The following EYS variants were observed in gnomAD, a reference collection of about 807,000 sequenced individuals.
EYS encodes EGF-like photoreceptor maintenance factor.
A neutral mutation model predicts 282.1 loss-of-function variants in EYS; 250 were observed. The observed-to-expected ratio is 0.89, with a 90% CI of 0.80 to 0.98. EYS has a LOEUF of 0.98. Ranked by LOEUF, EYS falls within the 50% of genes least tolerant of loss-of-function variation. The probability of loss-of-function intolerance (pLI) is 0.00; values close to 1 mark genes in which losing one functional copy is unlikely to be tolerated. For synonymous variants in EYS, 1,355 were observed against 1,282.9 expected (o/e 1.06, Z -1.20); for missense variants, 4,016 against 3,709.0 (o/e 1.08, Z -2.15).
intron 31 of EYS, among the ~76,000 whole-genome samples, chr6:64,106,188 A>C (rs1203107641): frequency 6.6e-6 from 1 of 151,438 alleles, no homozygotes; most frequent in African/African-American, 2.4e-5. Flanking sequence ...ATGTGATTTC[A>C]TTTTCTTTCA....
At chr6:64,801,344 A>G (rs1247265426) in intron 22 of EYS, among the ~76,000 whole-genome samples, 1 of 152,206 alleles carries the variant, frequency 6.6e-6, no homozygotes, top group Non-Finnish European at 1.5e-5. Flanking sequence ...ACAGATTAAA[A>G]ACCATATCAT....
intron 5 of EYS, among the ~76,000 whole-genome samples, chr6:65,414,061 C>T (rs746876983): frequency 6.6e-6 from 1 of 151,894 alleles, no homozygotes; most frequent in Non-Finnish European, 1.5e-5. Flanking sequence ...AATGCTGCTA[C>T]CCCACAATAG....
intron 31 of EYS, among the ~76,000 whole-genome samples, chr6:64,132,330 C>A (rs1774005365): frequency 6.6e-6 from 1 of 151,678 alleles, no homozygotes; most frequent in Admixed American, 6.6e-5. Flanking sequence ...GAAGGGACAG[C>A]AGTTGAATTA....
chr6:65,050,101 A>C (rs901709206), intron 13 of EYS, among the ~76,000 whole-genome samples: 1 of 151,696 alleles, frequency 6.6e-6, no homozygotes, highest in African/African-American at 2.4e-5. Context: ...TGTTTGGCCA[A>C]GATATTAAAG....
At chr6:65,628,187 A>C (rs958566495) in intron 2 of EYS, among the ~76,000 whole-genome samples, 2 of 152,178 alleles carry the variant, frequency 1.3e-5, no homozygotes, top group African/African-American at 4.8e-5. Context: ...TACACCAATC[A>C]GCACCCTGTG....
chr6:64,033,834 C>A lies in EYS; in HGVS notation c.6725+32504G>T, dbSNP rs1181843998. Reference sequence around the variant, plus strand: ...TCTGACACAAATGAGATTACTCTCTCTCTCTCTCTCTCTATATATATATAT... The same window carrying A: ...TCTGACACAAATGAGATTACTCTCTATCTCTCTCTCTCTATATATATATAT... On this transcript the variant is annotated intron_variant, in intron 33 of 42. Coordinates refer to ENST00000503581, the MANE Select transcript of EYS (RefSeq NM_001142800.2). Among the ~76,000 whole-genome samples the A allele has an allele frequency of 9.0e-3, 1,324 of 147,596 alleles. 18 individuals carry two copies. The highest frequency in any genetic ancestry group is 0.031 in the East Asian group (158 of 5,126).
intron 29 of EYS, among the ~76,000 whole-genome samples, chr6:64,344,640 A>C (rs896252770): frequency 6.6e-6 from 1 of 152,176 alleles, no homozygotes; most frequent in African/African-American, 2.4e-5. Context: ...AACTGGCACA[A>C]GACGGGGATG....
intron 24 of EYS, among the ~76,000 whole-genome samples, chr6:64,607,402 G>A (rs953034): frequency 0.63 from 96,139 of 151,942 alleles, 31,248 homozygotes; most frequent in African/African-American, 0.79. Context: ...ATTTCTCATA[G>A]ATCAGGAGGC....
intron 35 of EYS, among the ~76,000 whole-genome samples, chr6:63,917,232 C>T (rs1764447457): frequency 6.6e-6 from 1 of 152,216 alleles, no homozygotes; most frequent in African/African-American, 2.4e-5. Context: ...GGCCATCTTT[C>T]TGAAGGTCAG....
chr6:64,497,678 C>A (rs1285516336), intron 26 of EYS, among the ~76,000 whole-genome samples: 1 of 151,940 alleles, frequency 6.6e-6, no homozygotes, highest in East Asian at 1.9e-4. Flanking sequence ...CACGGGCAAA[C>A]CAGTTCGGAA....
Position 63,984,465 on chromosome 6 carries a change from C to A in EYS, c.6973G>T (p.Ala2325Ser). Residue 2325 changes from alanine (A) to serine (S), a missense_variant, in exon 35 of 43, where the codon GCA (alanine) becomes TCA (serine). Transcript: ENST00000503581. ...NNKEFFIIDE[A>S]RHGKNIENCH... The stretch of plus-strand genomic sequence containing the variant: ...TTCTCAATATTCTTTCCATGTCGTG[C>A]TTCATCGATGATGAAGAATTCTTTG... 1 of 1,549,750 alleles carries A rather than the reference C, an allele frequency of 6.5e-7. No homozygotes were observed. Among genetic ancestry groups the A allele is most frequent in the South Asian group, 1.2e-5 (1 of 84,042 alleles).
chr6:64,548,048 C>T (rs193060830), intron 26 of EYS, among the ~76,000 whole-genome samples: 52 of 152,314 alleles, frequency 3.4e-4, no homozygotes, highest in African/African-American at 1.3e-3. Flanking sequence ...CCTGTCCCTC[C>T]ACACCTCCCT....
At chr6:64,855,330 A>ATTTATGAT (rs2150044607) in intron 19 of EYS, among the ~76,000 whole-genome samples, 1 of 152,074 alleles carries the variant, frequency 6.6e-6, no homozygotes, top group South Asian at 2.1e-4. Flanking sequence ...CTCCATTCAT[A>ATTTATGAT]TTTATGATTG....
intron 7 of EYS, among the ~76,000 whole-genome samples, chr6:65,395,151 C>T (rs1258773961): frequency 6.6e-6 from 1 of 152,208 alleles, no homozygotes; most frequent in Non-Finnish European, 1.5e-5. Flanking sequence ...GCAACCTCTG[C>T]CTCCCAGATT....
intron 22 of EYS, among the ~76,000 whole-genome samples, chr6:64,786,802 CTG>C (rs1774036981): frequency 6.6e-6 from 1 of 152,206 alleles, no homozygotes; most frequent in South Asian, 2.1e-4. Flanking sequence ...GCATAGCAGA[CTG>C]TGCCTTGGTT....
intron 35 of EYS, among the ~76,000 whole-genome samples, chr6:63,886,996 C>T (rs1194564826): frequency 6.6e-6 from 1 of 152,134 alleles, no homozygotes; most frequent in African/African-American, 2.4e-5. Flanking sequence ...TGCTCTTATT[C>T]TCCTTTGAAT....
At chr6:63,764,521 A>G (rs1017602040) in intron 40 of EYS, among the ~76,000 whole-genome samples, 3 of 152,028 alleles carry the variant, frequency 2.0e-5, no homozygotes, top group African/African-American at 4.8e-5. Context: ...TAAAGTGACG[A>G]TTGCGCCATC....
intron 26 of EYS, among the ~76,000 whole-genome samples, chr6:64,493,323 A>G (rs1208831239): frequency 1.3e-5 from 2 of 151,594 alleles, no homozygotes; most frequent in African/African-American, 4.8e-5. Flanking sequence ...CAGAGCCCAT[A>G]AAAAGGGAAA....
At chr6:64,755,753 G>A (rs988215697) in intron 22 of EYS, among the ~76,000 whole-genome samples, 20 of 152,184 alleles carry the variant, frequency 1.3e-4, no homozygotes, top group Middle Eastern at 3.4e-3. Context: ...CAGTGGGAGG[G>A]TGAGGGGGGT....
Sources: gnomAD v4.1 joint callset for allele counts (sites outside exome capture counted in the v4.1 genomes callset) on GRCh38, gnomAD v4.1.1 for gene constraint, MANE v1.5 for transcripts, NCBI Gene and HGNC (gene_info 2026-07-23, HGNC 2026-07-21) for gene names.